Variants in LINGO2 observed in about 807,000 individuals in gnomAD.
The protein encoded by LINGO2 is leucine rich repeat and Ig domain containing 2.
Under a neutral mutation model 30.6 loss-of-function variants are expected in LINGO2, and 14 were observed. That is an observed-to-expected ratio of 0.46 (90% CI 0.30 to 0.72). The LOEUF is 0.72. LINGO2 is among the 30% of genes least tolerant of loss of function. The pLI, the probability that LINGO2 is intolerant of heterozygous loss-of-function variation, is 0.07. For synonymous variants in LINGO2, 317 were observed against 288.5 expected (o/e 1.10, Z -1.00); for missense variants, 729 against 751.7 (o/e 0.97, Z 0.35).
chr9:28,453,658 T>A (rs979483673), intron 2 of LINGO2, among the ~76,000 whole-genome samples: 29 of 151,944 alleles, frequency 1.9e-4, no homozygotes, highest in African/African-American at 7.0e-4. Context: ...AATTCAGATT[T>A]ATAGAAAATC....
In LINGO2 at chr9:28,605,590, T is replaced by G. The variant is rs186847791; in HGVS notation, c.-365+64610A>C. ...CGAGTTCTCATCTTGTAACACCAAG[T>G]AACAAGGGAAGGCTTTTAAGGCAAA... On this transcript the variant is annotated intron_variant, in intron 1 of 5. Transcript: ENST00000379992. Among the ~76,000 whole-genome samples the G allele has an allele frequency of 3.9e-5, 6 of 152,220 alleles. No homozygotes were observed. The East Asian group carries it at 1.2e-3, about 29-fold the overall frequency.
intron 5 of LINGO2, among the ~76,000 whole-genome samples, chr9:28,000,323 C>A (rs1821883720): frequency 6.6e-6 from 1 of 152,018 alleles, no homozygotes; most frequent in Non-Finnish European, 1.5e-5. Context: ...ACTTCAGAAA[C>A]AGATTCCACA....
the LINGO2 span, among the ~76,000 whole-genome samples, chr9:28,798,105 T>C: frequency 6.6e-6 from 1 of 152,118 alleles, no homozygotes; most frequent in East Asian, 1.9e-4. Context: ...GTGGGTTCAG[T>C]AAAAGAAATT....
rs112319213 is a variant in LINGO2 at position 28,150,831 on chromosome 9, C to T, written c.-86-138426G>A. 7.3e-3 allele frequency among the ~76,000 whole-genome samples: 1,114 copies of T among 152,292 alleles called. 22 individuals carry two copies. Among genetic ancestry groups the T allele is most frequent in the African/African-American group, 0.024 (983 of 41,546 alleles). Reference sequence around the variant, plus strand: ...TCCACGAGAACCCACTGCTCCGTGGCGGTCGCCATAGTTAGTCGCTTCCTA... The same window carrying T: ...TCCACGAGAACCCACTGCTCCGTGGTGGTCGCCATAGTTAGTCGCTTCCTA... On this transcript the variant is annotated intron_variant, in intron 4 of 5. Coordinates refer to ENST00000379992, the Ensembl canonical transcript of LINGO2.
intron 5 of LINGO2, among the ~76,000 whole-genome samples, chr9:27,994,577 C>T (rs1195457505): frequency 2.6e-5 from 4 of 151,992 alleles, no homozygotes; most frequent in Non-Finnish European, 4.4e-5. Context: ...CATTAAGAAG[C>T]CCTGTAATCA....
At chr9:28,186,105 T>C (rs925821593) in intron 4 of LINGO2, among the ~76,000 whole-genome samples, 1 of 152,182 alleles carries the variant, frequency 6.6e-6, no homozygotes, top group African/African-American at 2.4e-5. Context: ...TAGTTCCTTG[T>C]CCTGTCATAC....
At chr9:29,185,492 G>C in the LINGO2 span, among the ~76,000 whole-genome samples, 1 of 152,262 alleles carries the variant, frequency 6.6e-6, no homozygotes, top group African/African-American at 2.4e-5. Context: ...CCATGGGATA[G>C]GAAGAGTTAA....
At chr9:28,317,786 A>T (rs1824897311) in intron 3 of LINGO2, among the ~76,000 whole-genome samples, 1 of 152,186 alleles carries the variant, frequency 6.6e-6, no homozygotes, top group East Asian at 1.9e-4. Context: ...GTTAGCAGTT[A>T]CTAACTTTCA....
the LINGO2 span, among the ~76,000 whole-genome samples, chr9:29,029,169 C>T: frequency 6.6e-5 from 10 of 152,034 alleles, no homozygotes; most frequent in Non-Finnish European, 1.0e-4. Context: ...CATCTTTGAA[C>T]GCCAAACTCC....
rs566685223 is a variant in LINGO2 at position 28,486,847 on chromosome 9, T to C, written c.-364-10822A>G. 2.9e-4 allele frequency among the ~76,000 whole-genome samples: 44 copies of C among 151,808 alleles called. 1 individual carries two copies. In the South Asian group the frequency reaches 8.7e-3, roughly 30 times the overall value. On this transcript the variant is annotated intron_variant, in intron 1 of 5. Coordinates refer to ENST00000379992, the Ensembl canonical transcript of LINGO2. ...TCACAATCTATGACTAGAGATAGAG[T>C]TTATAGGACATACAGCCAGACTCTC...
the LINGO2 span, among the ~76,000 whole-genome samples, chr9:29,207,879 T>C: frequency 6.6e-6 from 1 of 152,088 alleles, no homozygotes; most frequent in Non-Finnish European, 1.5e-5. Context: ...TAAGAGCACA[T>C]AATTATTTCA....
At chr9:29,076,710 G>A in the LINGO2 span, among the ~76,000 whole-genome samples, 1 of 151,110 alleles carries the variant, frequency 6.6e-6, no homozygotes, top group African/African-American at 2.4e-5. Context: ...ACAGGGTTAG[G>A]ATTCTAATCC....
chr9:28,542,927 T>C (rs1821766010), intron 1 of LINGO2, among the ~76,000 whole-genome samples: 1 of 151,948 alleles, frequency 6.6e-6, no homozygotes, highest in Non-Finnish European at 1.5e-5. Flanking sequence ...GAAGAGGATG[T>C]CTAGGAATGG....
intron 5 of LINGO2, among the ~76,000 whole-genome samples, chr9:27,999,259 G>A (rs1821822229): frequency 6.6e-6 from 1 of 152,056 alleles, no homozygotes; most frequent in African/African-American, 2.4e-5. Flanking sequence ...GTTTAGGAAG[G>A]CCATAATCAG....
At chr9:28,429,200 T>C (rs2134934211) in intron 2 of LINGO2, among the ~76,000 whole-genome samples, 1 of 152,316 alleles carries the variant, frequency 6.6e-6, no homozygotes, top group Admixed American at 6.5e-5. Flanking sequence ...TCTGCTATTA[T>C]CCTGCCCCAG....
chr9:28,411,686 G>A (rs886646284), intron 2 of LINGO2, among the ~76,000 whole-genome samples: 1 of 152,050 alleles, frequency 6.6e-6, no homozygotes, highest in African/African-American at 2.4e-5. Context: ...CACATGGGTT[G>A]TTCAAACATT....
At chr9:28,087,369 C>T (rs1213351762) in intron 4 of LINGO2, among the ~76,000 whole-genome samples, 1 of 152,046 alleles carries the variant, frequency 6.6e-6, no homozygotes, top group Non-Finnish European at 1.5e-5. Flanking sequence ...ACTTTTAAAA[C>T]AATATGTGTT....
the LINGO2 span, among the ~76,000 whole-genome samples, chr9:29,040,440 T>C: frequency 2.6e-4 from 39 of 152,090 alleles, no homozygotes; most frequent in African/African-American, 8.9e-4. Flanking sequence ...ATCCAGAAAA[T>C]TGATTTACAG....
chr9:29,187,337 T>C, the LINGO2 span, among the ~76,000 whole-genome samples: 1 of 152,188 alleles, frequency 6.6e-6, no homozygotes, highest in African/African-American at 2.4e-5. Flanking sequence ...CATTGCATCT[T>C]ATAAGAAAAC....
Sources: gnomAD v4.1 joint callset for allele counts (sites outside exome capture counted in the v4.1 genomes callset) on GRCh38, gnomAD v4.1.1 for gene constraint, MANE v1.5 for transcripts, NCBI Gene and HGNC (gene_info 2026-07-23, HGNC 2026-07-21) for gene names.